CFAP299: variants seen among roughly 807,000 people sequenced by gnomAD.
CFAP299 encodes cilia and flagella associated protein 299.
CFAP299 carries 21 observed loss-of-function variants against 27.0 expected under a neutral mutation model. The ratio of observed to expected loss-of-function variants is 0.78; its 90% CI spans 0.55 to 1.12. CFAP299 has a LOEUF of 1.12. CFAP299 is among the 50% of genes most tolerant of loss of function. The pLI is 0.00. For synonymous variants in CFAP299, 104 were observed against 98.1 expected, an observed-to-expected ratio of 1.06 and a Z score of -0.36; for missense variants, 310 against 276.6, an observed-to-expected ratio of 1.12 and a Z score of -0.86.
chr4:80,802,962 T>A (rs933990389), intron 3 of CFAP299, among the ~76,000 whole-genome samples: 2 of 152,070 alleles, frequency 1.3e-5, no homozygotes, highest in African/African-American at 4.8e-5. Flanking sequence ...GAAGCTCATA[T>A]AAATGACGTA....
chr4:80,388,088 T>A, intron 2 of CFAP299: 1 of 694,674 alleles, frequency 1.4e-6, no homozygotes, highest in South Asian at 1.6e-5. Context: ...AGCAGCACTG[T>A]ACACCTTCAC....
chr4:80,384,483 T>C (rs1724868325), intron 2 of CFAP299, among the ~76,000 whole-genome samples: 2 of 152,240 alleles, frequency 1.3e-5, no homozygotes, highest in Admixed American at 1.3e-4. Context: ...GTTATACCAT[T>C]GACACAAAGA....
chr4:80,365,957 T>A (rs763438958), intron 2 of CFAP299, among the ~76,000 whole-genome samples: 2 of 152,344 alleles, frequency 1.3e-5, no homozygotes, highest in Non-Finnish European at 2.9e-5. Flanking sequence ...GGGAGACTAA[T>A]CCCCATTCAG....
chr4:80,439,395 G>A (rs775136084), intron 2 of CFAP299, among the ~76,000 whole-genome samples: 2 of 152,188 alleles, frequency 1.3e-5, no homozygotes, highest in Non-Finnish European at 2.9e-5. Flanking sequence ...AGCCCACAGA[G>A]GGCTTGCAGA....
chr4:80,561,653 G>A (rs963179807), intron 2 of CFAP299, among the ~76,000 whole-genome samples: 1 of 151,996 alleles, frequency 6.6e-6, no homozygotes, highest in Non-Finnish European at 1.5e-5. Context: ...GGTGAAAAAT[G>A]TGACTGTCAT....
intron 2 of CFAP299, among the ~76,000 whole-genome samples, chr4:80,402,126 G>A (rs1184957734): frequency 6.6e-6 from 1 of 152,144 alleles, no homozygotes; most frequent in East Asian, 1.9e-4. Flanking sequence ...CAGGCTCATA[G>A]GCAGAAGGGA....
chr4:80,456,509 T>C (rs1729166464), intron 2 of CFAP299, among the ~76,000 whole-genome samples: 1 of 152,032 alleles, frequency 6.6e-6, no homozygotes, highest in Non-Finnish European at 1.5e-5. Context: ...ATTTTGAAGA[T>C]AGAACAGGAA....
chr4:80,860,261 C>T (rs891943569), intron 3 of CFAP299, among the ~76,000 whole-genome samples: 19 of 152,182 alleles, frequency 1.2e-4, no homozygotes, highest in Admixed American at 1.2e-3. Context: ...TTCAGCTCCA[C>T]CAGCTCCTTT....
intron 2 of CFAP299, among the ~76,000 whole-genome samples, chr4:80,374,234 C>G (rs1444636391): frequency 6.6e-6 from 1 of 152,188 alleles, no homozygotes; most frequent in East Asian, 1.9e-4. Context: ...TCCCCAGAAT[C>G]TAGTCCAATG....
chr4:80,669,309 G>T (rs1052040360), intron 3 of CFAP299, among the ~76,000 whole-genome samples: 1 of 151,180 alleles, frequency 6.6e-6, no homozygotes, highest in Non-Finnish European at 1.5e-5. Flanking sequence ...CATGTGCCGT[G>T]CCTGGCTAAT....
intron 4 of CFAP299, 81 bp from the exon 5 acceptor site, chr4:80,944,729 T>G (rs1258810357): frequency 1.9e-6 from 2 of 1,051,614 alleles, no homozygotes; most frequent in Admixed American, 5.3e-5. Flanking sequence ...ATGACTGAAC[T>G]TCCCCAAATA....
chr4:80,428,213 ATC>A (rs1727619151), intron 2 of CFAP299, among the ~76,000 whole-genome samples: 1 of 152,156 alleles, frequency 6.6e-6, no homozygotes, highest in South Asian at 2.1e-4. Flanking sequence ...TACATACTAT[ATC>A]TCCTCTAATA....
At chr4:80,361,391 T>G (rs1321674867) in intron 1 of CFAP299, among the ~76,000 whole-genome samples, 1 of 152,220 alleles carries the variant, frequency 6.6e-6, no homozygotes, top group Non-Finnish European at 1.5e-5. Context: ...CTGAAGTCCT[T>G]TCTACAAATT....
In CFAP299 at chr4:80,386,624, T is replaced by C. The variant is rs114618229; in HGVS notation, c.242+23740T>C. 1.8e-3 allele frequency: 2,830 copies of C among 1,598,044 alleles called. 39 individuals are homozygous for C. The African/African-American group carries it at 0.034, about 19-fold the overall frequency. ...GAAAAAGCCCTTGGCACAGCCAGCA[T>C]AGCGGAACTTGTAGTAGCCCGTGTG... On this transcript the variant is annotated intron_variant, in intron 2 of 5. Transcript: ENST00000358105.
chr4:80,537,619 T>C (rs918233906), intron 2 of CFAP299, among the ~76,000 whole-genome samples: 1 of 152,114 alleles, frequency 6.6e-6, no homozygotes, highest in African/African-American at 2.4e-5. Context: ...CAGTCATATG[T>C]GGAATCTAAA....
intron 3 of CFAP299, among the ~76,000 whole-genome samples, chr4:80,679,994 A>C (rs1260286937): frequency 6.6e-6 from 1 of 151,944 alleles, no homozygotes; most frequent in African/African-American, 2.4e-5. Context: ...TCAACTCCTG[A>C]CTTTAGTCCT....
At chr4:80,790,272 AC>A (rs1286414920) in intron 3 of CFAP299, 2 of 152,204 alleles carry the variant, frequency 1.3e-5, no homozygotes, top group East Asian at 1.9e-4. Context: ...TCACAGCAGC[AC>A]TTTGAAGTTT....
At chr4:80,519,550 G>C (rs915765167) in intron 2 of CFAP299, among the ~76,000 whole-genome samples, 1 of 152,134 alleles carries the variant, frequency 6.6e-6, no homozygotes, top group African/African-American at 2.4e-5. Context: ...GTGAATTAAA[G>C]CTTTGAAGAA....
intron 3 of CFAP299, among the ~76,000 whole-genome samples, chr4:80,691,801 TCTCAG>T (rs1720718773): frequency 6.6e-6 from 1 of 152,230 alleles, no homozygotes; most frequent in Non-Finnish European, 1.5e-5. Flanking sequence ...AACCCCATTG[TCTCAG>T]CCCAAAATCT....
Sources: gnomAD v4.1 joint callset for allele counts (sites outside exome capture counted in the v4.1 genomes callset) on GRCh38, gnomAD v4.1.1 for gene constraint, MANE v1.5 for transcripts, NCBI Gene and HGNC (gene_info 2026-07-23, HGNC 2026-07-21) for gene names.